KMT2C: variants seen among roughly 807,000 people sequenced by gnomAD.
The protein encoded by KMT2C is histone-lysine N-methyltransferase 2C.
A neutral mutation model predicts 507.9 loss-of-function variants in KMT2C; 88 were observed. The observed-to-expected ratio is 0.17, with a 90% CI of 0.15 to 0.21. KMT2C has a LOEUF of 0.21. Ranked by LOEUF, KMT2C falls within the 10% of genes least tolerant of loss-of-function variation. The pLI is 1.00. For missense variants in KMT2C, 4,954 were observed against 5,957.8 expected (o/e 0.83, Z 5.55); for synonymous variants, 2,049 against 2,080.8 (o/e 0.98, Z 0.42).
chr7:152,378,311 A>T (rs113198669), intron 1 of KMT2C, among the ~76,000 whole-genome samples: 3 of 152,322 alleles, frequency 2.0e-5, no homozygotes, highest in African/African-American at 7.2e-5. Context: ...TTGTTGTCTT[A>T]TTGTAAGAAA....
At chr7:152,391,917 T>G (rs1233456273) in intron 1 of KMT2C, among the ~76,000 whole-genome samples, 1 of 152,092 alleles carries the variant, frequency 6.6e-6, no homozygotes, top group Non-Finnish European at 1.5e-5. Flanking sequence ...AATTCTAGCT[T>G]TATCATATAC....
chr7:152,374,720 G>A (rs2129243608), intron 1 of KMT2C, among the ~76,000 whole-genome samples: 1 of 151,854 alleles, frequency 6.6e-6, no homozygotes, highest in East Asian at 2.0e-4. Context: ...CCAATATGGT[G>A]AAACTCTGTC....
intron 1 of KMT2C, among the ~76,000 whole-genome samples, chr7:152,384,597 CA>C (rs2097406263): frequency 6.6e-6 from 1 of 151,406 alleles, no homozygotes; most frequent in Admixed American, 6.6e-5. Context: ...CCACCACCAC[CA>C]CCACCACCAC....
At chr7:152,166,959 A>G (rs965418966) in intron 42 of KMT2C, among the ~76,000 whole-genome samples, 187 bp downstream of exon 42, 8 of 152,210 alleles carry the variant, frequency 5.3e-5, no homozygotes, top group Admixed American at 2.0e-4. Flanking sequence ...CTTTAAGTAA[A>G]AGACTGGAGC....
rs1750344785 is a variant in KMT2C at position 152,141,213 on chromosome 7, C to T, written c.14344-1422G>A. On this transcript the variant is annotated intron_variant, in intron 55 of 58. Coordinates refer to ENST00000262189, the MANE Select transcript of KMT2C (RefSeq NM_170606.3). ...TGAGATCATGCCACTGCACTCCAGCCTGGGCAACAGAGTGAGACTCCAGAG... is the reference window on the plus strand; with the variant it reads ...TGAGATCATGCCACTGCACTCCAGCTTGGGCAACAGAGTGAGACTCCAGAG... Among the ~76,000 whole-genome samples the T allele has an allele frequency of 2.0e-5, 3 of 152,092 alleles. No individual in the cohort carries two copies. The South Asian group carries it at 6.2e-4, about 32-fold the overall frequency.
At chr7:152,399,177 C>G (rs1030100911) in intron 1 of KMT2C, among the ~76,000 whole-genome samples, 1 of 152,116 alleles carries the variant, frequency 6.6e-6, no homozygotes, top group Non-Finnish European at 1.5e-5. Flanking sequence ...CCACTTAAAG[C>G]TGCTATTATA....
At chr7:152,276,475 G>A (rs1321355513) in intron 6 of KMT2C, among the ~76,000 whole-genome samples, 2 of 152,078 alleles carry the variant, frequency 1.3e-5, no homozygotes, top group African/African-American at 2.4e-5. Flanking sequence ...GCTCTTGGCC[G>A]GGCATGGTGG....
At chr7:152,319,263 T>A (rs11762812) in intron 3 of KMT2C, among the ~76,000 whole-genome samples, 1 of 152,206 alleles carries the variant, frequency 6.6e-6, no homozygotes, top group Admixed American at 6.5e-5. Flanking sequence ...GATATGATTA[T>A]ACATGAATAT....
At chr7:152,357,873 A>G (rs2097165165) in intron 2 of KMT2C, among the ~76,000 whole-genome samples, 1 of 152,248 alleles carries the variant, frequency 6.6e-6, no homozygotes, top group Non-Finnish European at 1.5e-5. Flanking sequence ...TCATCTCTTA[A>G]CTGCATGATA....
chr7:152,259,444 G>GCGCGCACACACA (rs1554587541), intron 9 of KMT2C, among the ~76,000 whole-genome samples: 6 of 85,370 alleles, frequency 7.0e-5, no homozygotes, highest in African/African-American at 3.4e-4. Flanking sequence ...ACACACACAC[G>GCGCGCACACACA]CGCACACACA....
chr7:152,417,596 G>C (rs2097752499), intron 1 of KMT2C, among the ~76,000 whole-genome samples: 1 of 152,100 alleles, frequency 6.6e-6, no homozygotes, highest in South Asian at 2.1e-4. Flanking sequence ...ATAGACATTA[G>C]AGCCTATATG....
intron 31 of KMT2C, among the ~76,000 whole-genome samples, chr7:152,188,782 G>C (rs2093703569): frequency 6.6e-6 from 1 of 151,574 alleles, no homozygotes; most frequent in African/African-American, 2.4e-5. Flanking sequence ...GCTAATTTTT[G>C]TATTTTTAGT....
At chr7:152,304,900 A>T (rs2096601895) in intron 6 of KMT2C, among the ~76,000 whole-genome samples, 1 of 152,138 alleles carries the variant, frequency 6.6e-6, no homozygotes, top group African/African-American at 2.4e-5. Flanking sequence ...CAATAGCTAT[A>T]TCGCCCCTAG....
At chr7:152,216,488 G>A (rs2094586192) in intron 23 of KMT2C, among the ~76,000 whole-genome samples, 1 of 152,160 alleles carries the variant, frequency 6.6e-6, no homozygotes, top group African/African-American at 2.4e-5. Context: ...ACCTCAAGTT[G>A]AAAACTGCAC....
In KMT2C at chr7:152,238,750, T is replaced by C. The variant is rs780517107; in HGVS notation, c.2609A>G (p.Lys870Arg). The change falls in exon 15 of 59, where the codon AAA (lysine) becomes AGA (arginine). Residue 870 changes from lysine (K) to arginine (R), a missense_variant. Around this residue, in one of 29 missense-constraint regions of KMT2C, gnomAD observed 62 missense variants for 137.2 expected, o/e 0.45. Coordinates refer to ENST00000262189, the MANE Select transcript of KMT2C (RefSeq NM_170606.3). Reference sequence around the variant, plus strand: ...GGCACTGCCAGGAAGCTGCCTGGGTTTAAAAATTTCCCGACCTTCTGAAAT... The same window carrying C: ...GGCACTGCCAGGAAGCTGCCTGGGTCTAAAAATTTCCCGACCTTCTGAAAT... ...PDISEGREIF[K>R]PRQLPGSAIW... is the part of the protein sequence containing the mutation. 4.3e-6 allele frequency: 7 copies of C among 1,610,672 alleles called. No homozygotes were observed. Among genetic ancestry groups the C allele is most frequent in the Non-Finnish European group, 5.9e-6 (7 of 1,179,406 alleles).
intron 3 of KMT2C, among the ~76,000 whole-genome samples, chr7:152,319,123 A>G (rs987801321): frequency 2.0e-4 from 30 of 152,232 alleles, no homozygotes; most frequent in Admixed American, 1.2e-3. Flanking sequence ...CTATGTGTAT[A>G]AGGTATATAC....
chr7:152,139,382 GGATAT>G, intron 56 of KMT2C, 123 bp from the exon 57 acceptor site: 1 of 830,206 alleles, frequency 1.2e-6, no homozygotes, highest in Non-Finnish European at 2.0e-6. Context: ...TCCTTACTGT[GGATAT>G]TCTATTAGGC....
intron 28 of KMT2C, 76 bp from the exon 29 acceptor site, chr7:152,194,644 T>C (rs2093909649): frequency 1.9e-6 from 2 of 1,067,522 alleles, no homozygotes; most frequent in Non-Finnish European, 1.4e-6. Flanking sequence ...TATTTACCTG[T>C]ACTTAGTATA....
Position 152,145,290 on chromosome 7 carries a change from A to T in KMT2C, c.14037T>A (p.Pro4679=), listed in dbSNP as rs761236498. 1 of 1,613,862 alleles carries T rather than the reference A, an allele frequency of 6.2e-7. No homozygotes were observed. ...SAVARIAESL[P]GVEACENYTF... ...TATAATTTTCACATGCCTCAACCCC[A>T]GGAAGCTGAAAAGAAGCAAAGCAGA... Residue 4679 remains proline, a synonymous_variant, in exon 54 of 59, where the codon CCT becomes CCA. Transcript: ENST00000262189.
Sources: gnomAD v4.1 joint callset for allele counts (sites outside exome capture counted in the v4.1 genomes callset) on GRCh38, gnomAD v4.1.1 for gene constraint, gnomAD v4.1.1 regional missense constraint, MANE v1.5 for transcripts, NCBI Gene and HGNC (gene_info 2026-07-23, HGNC 2026-07-21) for gene names.